Variants in CMSS1 observed in about 807,000 individuals in gnomAD.
CMSS1 encodes the protein protein CMSS1.
Under a neutral mutation model 43.5 loss-of-function variants are expected in CMSS1, and 33 were observed. That is an observed-to-expected ratio of 0.76 (90% CI 0.57 to 1.01). The LOEUF is 1.01. Among genes scored for constraint, CMSS1 ranks in the 50% least tolerant of loss-of-function variants. CMSS1 has a pLI of 0.00. For missense variants in CMSS1, 313 were observed against 326.4 expected, an observed-to-expected ratio of 0.96 and a Z score of 0.32; for synonymous variants, 115 against 117.2, an observed-to-expected ratio of 0.98 and a Z score of 0.12.
rs2067173860 is a variant in CMSS1, at chr3:100,179,813, C to A, written c.*1425C>A. The A allele has an allele frequency of 6.6e-6, 1 of 152,298 alleles. No homozygotes were observed. The highest frequency in any genetic ancestry group is 2.4e-5 in the African/African-American group (1 of 41,460). The allele number at this position is 152,298 out of a possible 1,614,324, so 9.4% of individuals were successfully genotyped here. On this transcript the variant is annotated 3_prime_UTR_variant, in exon 10 of 10. Transcript: ENST00000421999. ...CAGTGGGGACTCTGTGTAGGGTCTC[C>A]AACCCCACATTTCCCCTCTGCACTG...
intron 1 of CMSS1, among the ~76,000 whole-genome samples, chr3:99,966,406 T>A (rs1708652727): frequency 6.6e-6 from 1 of 152,186 alleles, no homozygotes; most frequent in Non-Finnish European, 1.5e-5. Context: ...AGATTTTTTT[T>A]TTCGGCTATA....
intron 1 of CMSS1, among the ~76,000 whole-genome samples, chr3:100,053,170 C>G (rs2065402451): frequency 6.6e-6 from 1 of 152,270 alleles, no homozygotes; most frequent in South Asian, 2.1e-4. Context: ...TTCACCATAG[C>G]AAGCCTTCTG....
chr3:100,161,723 G>A (rs2067025054), intron 3 of CMSS1, among the ~76,000 whole-genome samples: 2 of 152,124 alleles, frequency 1.3e-5, no homozygotes, highest in African/African-American at 2.4e-5. Flanking sequence ...AATCAAAATC[G>A]ATGTTGGAAA....
intron 1 of CMSS1, among the ~76,000 whole-genome samples, chr3:100,060,220 T>C (rs2065538209): frequency 6.6e-6 from 1 of 152,168 alleles, no homozygotes; most frequent in Non-Finnish European, 1.5e-5. Flanking sequence ...AAGATTTTTT[T>C]GATCTACTAT....
At chr3:100,068,904 A>C (rs1008213555) in intron 1 of CMSS1, among the ~76,000 whole-genome samples, 1 of 152,038 alleles carries the variant, frequency 6.6e-6, no homozygotes, top group Non-Finnish European at 1.5e-5. Context: ...CACAGGTACC[A>C]CTCCCAAGAA....
chr3:99,859,929 G>T (rs143162646), intron 1 of CMSS1, among the ~76,000 whole-genome samples: 302 of 152,276 alleles, frequency 2.0e-3, no homozygotes, highest in African/African-American at 6.8e-3. Flanking sequence ...TATTTCACAA[G>T]TCAAAGGTTT....
At chr3:99,980,675 T>A (rs1037776625) in intron 1 of CMSS1, among the ~76,000 whole-genome samples, 14 of 152,188 alleles carry the variant, frequency 9.2e-5, no homozygotes, top group African/African-American at 3.4e-4. Context: ...TAAGATTGTT[T>A]TGAGAATCAA....
chr3:100,064,576 C>A (rs938337322), intron 1 of CMSS1, among the ~76,000 whole-genome samples: 3 of 152,150 alleles, frequency 2.0e-5, no homozygotes, highest in African/African-American at 7.2e-5. Flanking sequence ...ACTTTAAGAT[C>A]CTTTGGCTCT....
At chr3:100,072,439 C>G (rs1224554114) in intron 1 of CMSS1, among the ~76,000 whole-genome samples, 2 of 152,194 alleles carry the variant, frequency 1.3e-5, no homozygotes, top group Admixed American at 1.3e-4. Flanking sequence ...TGGATTCCCC[C>G]CTTTCTAGAT....
At chr3:100,023,157 C>A (rs2064856046) in intron 1 of CMSS1, among the ~76,000 whole-genome samples, 1 of 152,116 alleles carries the variant, frequency 6.6e-6, no homozygotes, top group Non-Finnish European at 1.5e-5. Flanking sequence ...ACCTTCTGGC[C>A]CAGACCAGGT....
intron 2 of CMSS1, among the ~76,000 whole-genome samples, chr3:100,150,547 G>A (rs533257645): frequency 3.3e-4 from 51 of 152,264 alleles, no homozygotes; most frequent in African/African-American, 1.2e-3. Context: ...CCATAGCTGG[G>A]CCTCACATTT....
At chr3:100,076,083 C>T (rs1021632160) in intron 1 of CMSS1, among the ~76,000 whole-genome samples, 11 of 152,128 alleles carry the variant, frequency 7.2e-5, no homozygotes, top group African/African-American at 2.7e-4. Flanking sequence ...GCTGATGCTT[C>T]CTGGAAACTC....
At chr3:100,178,120 AAAT>A (rs911264527) in intron 9 of CMSS1, among the ~76,000 whole-genome samples, 182 bp from the exon 10 acceptor site, 11 of 152,088 alleles carry the variant, frequency 7.2e-5, no homozygotes, top group East Asian at 1.9e-4. Flanking sequence ...CTCTGTCTCA[AAAT>A]AATAATAATA....
chr3:100,042,066 T>G lies in CMSS1; in HGVS notation c.65-104907T>G, dbSNP rs149260808. ...TTTCTCTTTATTTTGCCATAAGCTC[T>G]GGATCGTAATCCATCCCTAAAACAT... On this transcript the variant is annotated intron_variant, in intron 1 of 9. Transcript: ENST00000421999. 1.5e-4 allele frequency among the ~76,000 whole-genome samples: 23 copies of G among 152,296 alleles called. No individual in the cohort carries two copies. In the East Asian group the frequency reaches 4.2e-3, roughly 28 times the overall value.
chr3:99,987,075 C>G (rs536409255), intron 1 of CMSS1, among the ~76,000 whole-genome samples: 1 of 151,250 alleles, frequency 6.6e-6, no homozygotes, highest in African/African-American at 2.4e-5. Flanking sequence ...CAAAAAAATA[C>G]AAAAATTAGC....
chr3:99,917,581 T>C (rs573953384), intron 1 of CMSS1, among the ~76,000 whole-genome samples: 27 of 152,352 alleles, frequency 1.8e-4, no homozygotes, highest in African/African-American at 6.3e-4. Context: ...GATTGCTAGG[T>C]CTTTTCTAGC....
chr3:100,038,455 G>T (rs1288135367), intron 1 of CMSS1, among the ~76,000 whole-genome samples: 1 of 152,154 alleles, frequency 6.6e-6, no homozygotes, highest in Admixed American at 6.5e-5. Flanking sequence ...GAGAATTCGA[G>T]TAGGGAGCGG....
At chr3:100,005,651 T>C (rs1369611544) in intron 1 of CMSS1, among the ~76,000 whole-genome samples, 2 of 152,246 alleles carry the variant, frequency 1.3e-5, no homozygotes, top group Non-Finnish European at 2.9e-5. Context: ...ATATTTGTTT[T>C]AATGGAAATT....
At chr3:100,108,401 C>A (rs990979556) in intron 1 of CMSS1, among the ~76,000 whole-genome samples, 3 of 152,136 alleles carry the variant, frequency 2.0e-5, no homozygotes, top group African/African-American at 7.2e-5. Context: ...CTTACCAAGG[C>A]AGGTACAATT....
Sources: allele counts gnomAD v4.1 joint callset (sites outside exome capture counted in the v4.1 genomes callset), GRCh38; gene constraint gnomAD v4.1.1; transcripts MANE v1.5; gene names NCBI Gene and HGNC (gene_info 2026-07-23, HGNC 2026-07-21).